Variants in GLIS3 observed in about 807,000 individuals in gnomAD.
GLIS3 encodes zinc finger protein GLIS3.
GLIS3 carries 53 observed loss-of-function variants against 78.6 expected under a neutral mutation model. The observed-to-expected ratio is 0.67, with a 90% CI of 0.54 to 0.85. The LOEUF (loss-of-function observed/expected upper bound fraction) is 0.85, where lower values mean the gene tolerates loss of function less well. Among genes scored for constraint, GLIS3 ranks in the 40% least tolerant of loss-of-function variants. GLIS3 has a pLI of 0.00. For synonymous variants in GLIS3, 684 were observed against 509.9 expected (o/e 1.34, Z -4.60); for missense variants, 1,703 against 1,231.1 (o/e 1.38, Z -5.74).
intron 4 of GLIS3, among the ~76,000 whole-genome samples, chr9:4,078,185 T>C (rs929029788): frequency 5.9e-5 from 9 of 152,046 alleles, no homozygotes; most frequent in Admixed American, 5.2e-4. Flanking sequence ...AGACCAGTGG[T>C]CTTAAAATCA....
chr9:4,399,927 C>T, the GLIS3 span, among the ~76,000 whole-genome samples: 21 of 152,222 alleles, frequency 1.4e-4, no homozygotes, highest in Admixed American at 1.0e-3. Flanking sequence ...TGAGATACTA[C>T]GTGGTCTTTT....
At chr9:4,382,516 T>C in the GLIS3 span, among the ~76,000 whole-genome samples, 1 of 152,220 alleles carries the variant, frequency 6.6e-6, no homozygotes, top group Admixed American at 6.5e-5. Context: ...TCTTGCTTAG[T>C]CTGAATTCCT....
the GLIS3 span, among the ~76,000 whole-genome samples, chr9:4,466,830 G>T: frequency 6.6e-6 from 1 of 152,198 alleles, no homozygotes; most frequent in South Asian, 2.1e-4. Flanking sequence ...AGCAGTGCAG[G>T]GCATCGCCTC....
At chr9:4,075,188 G>A (rs748452740) in intron 4 of GLIS3, among the ~76,000 whole-genome samples, 6 of 152,096 alleles carry the variant, frequency 3.9e-5, no homozygotes, top group Non-Finnish European at 7.4e-5. Context: ...GTATGCATAT[G>A]TCCAACCTCA....
chr9:4,384,231 G>A, the GLIS3 span, among the ~76,000 whole-genome samples: 6 of 152,172 alleles, frequency 3.9e-5, no homozygotes, highest in Non-Finnish European at 8.8e-5. Flanking sequence ...CCTTATAAGG[G>A]GTTTCCATCA....
intron 4 of GLIS3, among the ~76,000 whole-genome samples, chr9:4,095,192 C>A (rs750075896): frequency 2.0e-4 from 30 of 152,302 alleles, no homozygotes; most frequent in South Asian, 4.1e-4. Flanking sequence ...CTTCCCCCTA[C>A]CCTTCCCAGC....
chr9:4,031,127 G>A (rs930799278), intron 4 of GLIS3, among the ~76,000 whole-genome samples: 6 of 152,170 alleles, frequency 3.9e-5, no homozygotes, highest in South Asian at 4.1e-4. Context: ...TATATGACCC[G>A]ACAATTCTAC....
At chr9:4,463,404 C>G in the GLIS3 span, among the ~76,000 whole-genome samples, 2,141 of 152,226 alleles carry the variant, frequency 0.014, 48 homozygotes, top group African/African-American at 0.049. Flanking sequence ...TCTCTTCTAT[C>G]TCTTCATGCT....
At chr9:3,870,484 A>G (rs1249536150) in intron 8 of GLIS3, among the ~76,000 whole-genome samples, 1 of 152,222 alleles carries the variant, frequency 6.6e-6, no homozygotes, top group Non-Finnish European at 1.5e-5. Context: ...AATTTACAAA[A>G]GAAAGAGGTT....
At chr9:4,204,423 T>A (rs1300850681) in intron 2 of GLIS3, among the ~76,000 whole-genome samples, 1 of 151,974 alleles carries the variant, frequency 6.6e-6, no homozygotes, top group African/African-American at 2.4e-5. Flanking sequence ...GCTGAGAAGA[T>A]ACAGAATATG....
At chr9:4,353,680 T>C in the GLIS3 span, among the ~76,000 whole-genome samples, 2 of 152,276 alleles carry the variant, frequency 1.3e-5, no homozygotes, top group South Asian at 4.1e-4. Context: ...CATCTCGAGA[T>C]AGAGCCAGAT....
At chr9:4,420,906 A>T in the GLIS3 span, among the ~76,000 whole-genome samples, 1 of 152,222 alleles carries the variant, frequency 6.6e-6, no homozygotes, top group Admixed American at 6.5e-5. Flanking sequence ...CTCCCCCATT[A>T]AGAAATAGAG....
At chr9:3,917,262 A>G (rs530941993) in intron 6 of GLIS3, among the ~76,000 whole-genome samples, 1 of 152,342 alleles carries the variant, frequency 6.6e-6, no homozygotes, top group East Asian at 1.9e-4. Context: ...AGCATGTCAT[A>G]GGAGTGTGGC....
intron 2 of GLIS3, among the ~76,000 whole-genome samples, chr9:4,164,103 C>T (rs906485737): frequency 5.3e-5 from 8 of 152,174 alleles, no homozygotes; most frequent in African/African-American, 1.9e-4. Context: ...TTTAATTTCC[C>T]GGATGTTATG....
intron 2 of GLIS3, among the ~76,000 whole-genome samples, chr9:4,146,277 A>T (rs1293701148): frequency 6.6e-6 from 1 of 152,218 alleles, no homozygotes; most frequent in Non-Finnish European, 1.5e-5. Context: ...AATATCGATT[A>T]TTTGAAACCG....
chr9:4,135,959 T>C (rs545275430), intron 2 of GLIS3, among the ~76,000 whole-genome samples: 19 of 152,206 alleles, frequency 1.2e-4, no homozygotes, highest in Non-Finnish European at 2.5e-4. Context: ...TTAGTAACAA[T>C]TTAATGAACA....
At chr9:4,285,791 T>C in intron 2 of GLIS3, 1 of 521,660 alleles carries the variant, frequency 1.9e-6, no homozygotes, top group South Asian at 2.4e-5. Context: ...TTTTTATCTT[T>C]CTATCTTACT....
At chr9:4,484,464 G>A in the GLIS3 span, among the ~76,000 whole-genome samples, 1 of 135,510 alleles carries the variant, frequency 7.4e-6, no homozygotes, top group African/African-American at 2.9e-5. Flanking sequence ...TGCTGCCTAG[G>A]CTGCAGTGCA....
chr9:4,394,358 A>C, the GLIS3 span, among the ~76,000 whole-genome samples: 1 of 150,754 alleles, frequency 6.6e-6, no homozygotes, highest in Non-Finnish European at 1.5e-5. Context: ...TTTAATCTTT[A>C]AGCCCCTAGC....
Sources: allele counts gnomAD v4.1 joint callset (sites outside exome capture counted in the v4.1 genomes callset), GRCh38; gene constraint gnomAD v4.1.1; transcripts MANE v1.5; gene names NCBI Gene and HGNC (gene_info 2026-07-23, HGNC 2026-07-21).